CCDC50: variants seen among roughly 807,000 people sequenced by gnomAD.
CCDC50 encodes the protein coiled-coil domain containing 50, also known as coiled-coil domain-containing protein 50.
In CCDC50, 54 loss-of-function variants were observed where a neutral mutation model predicts 70.2. The observed-to-expected ratio is 0.77, with a 90% CI of 0.62 to 0.96. The LOEUF (loss-of-function observed/expected upper bound fraction) is 0.96, where lower values mean the gene tolerates loss of function less well. Among genes scored for constraint, CCDC50 ranks in the 50% least tolerant of loss-of-function variants. The pLI is 0.00. For synonymous variants in CCDC50, 216 were observed against 198.8 expected, an observed-to-expected ratio of 1.09 and a Z score of -0.73; for missense variants, 558 against 578.7, an observed-to-expected ratio of 0.96 and a Z score of 0.37.
chr3:191,357,022 C>T, intron 1 of CCDC50, 66 bp from the exon 2 acceptor site: 2 of 1,019,974 alleles, frequency 2.0e-6, no homozygotes, highest in South Asian at 2.7e-5. Flanking sequence ...AAAAAAAATC[C>T]TTTCCTTTGT....
chr3:191,376,888 A>G (rs1332154214), intron 6 of CCDC50, among the ~76,000 whole-genome samples: 1 of 152,134 alleles, frequency 6.6e-6, no homozygotes, highest in Non-Finnish European at 1.5e-5. Context: ...AGGAAGAATG[A>G]TGTACACTGA....
chr3:191,397,309 T>C lies in CCDC50; in HGVS notation c.*5549T>C, dbSNP rs570740330. ...TGTGAGAGGGTTTTTGACATCAGAA[T>C]TTTTGTATTTCTGGTCAAATTGGTC... On this transcript the variant is annotated 3_prime_UTR_variant, in exon 12 of 12. Transcript: ENST00000392455. 2.0e-5 allele frequency: 3 copies of C among 152,322 alleles called. No homozygotes were observed. Among genetic ancestry groups the C allele is most frequent in the African/African-American group, 7.2e-5 (3 of 41,576 alleles). The allele number at this position is 152,322 out of a possible 1,614,324, so 9.4% of individuals were successfully genotyped here. A position where few individuals can be genotyped will look rare whatever the true frequency, so the allele number is the denominator to read the frequency against.
At chr3:191,352,225 A>T (rs1400403202) in intron 1 of CCDC50, among the ~76,000 whole-genome samples, 4 of 142,232 alleles carry the variant, frequency 2.8e-5, no homozygotes, top group African/African-American at 1.0e-4. Flanking sequence ...TGACTCATTC[A>T]TCCTGAAATA....
rs1165898468 is a variant in CCDC50 at position 191,398,188 on chromosome 3, T to G, written c.*6428T>G. ...AGGCACTCCCAAAACGCAAACCTCC[T>G]TTTTTAAATGCCAATTGTACATCTA... On this transcript the variant is annotated 3_prime_UTR_variant, in exon 12 of 12. Coordinates refer to ENST00000392455, the MANE Select transcript of CCDC50 (RefSeq NM_178335.3). 1.1e-4 allele frequency: 16 copies of G among 152,212 alleles called. No individual in the cohort carries two copies. The highest frequency in any genetic ancestry group is 3.4e-4 in the African/African-American group (14 of 41,452). 9.4% of individuals were successfully genotyped at this position (152,212 alleles called of 1,614,324 possible).
intron 1 of CCDC50, among the ~76,000 whole-genome samples, chr3:191,351,898 T>C (rs1333796381): frequency 7.1e-6 from 1 of 141,402 alleles, no homozygotes; most frequent in Non-Finnish European, 1.6e-5. Flanking sequence ...GGTTTTCATC[T>C]TTTTGTCTTT....
chr3:191,381,298 C>CT (rs1242741901), intron 9 of CCDC50, among the ~76,000 whole-genome samples: 1 of 152,154 alleles, frequency 6.6e-6, no homozygotes, highest in Non-Finnish European at 1.5e-5. Context: ...CCCGTCTCTA[C>CT]TTTCTTTGTG....
Position 191,397,440 on chromosome 3 carries a change from A to C in CCDC50, c.*5680A>C, listed in dbSNP as rs1713897500. The C allele has an allele frequency of 2.6e-5, 4 of 152,180 alleles. No homozygotes were observed. The highest frequency in any genetic ancestry group is 5.9e-5 in the Non-Finnish European group (4 of 68,024). The allele number at this position is 152,180 out of a possible 1,614,324, so 9.4% of individuals were successfully genotyped here. A position where few individuals can be genotyped will look rare whatever the true frequency, so the allele number is the denominator to read the frequency against. ...TTTCTCTTCTTACAGGCAACCCAAT[A>C]TTTATTTCATAAAGTGTTATAAATA... is the stretch of plus-strand genomic sequence containing the variant. On this transcript the variant is annotated 3_prime_UTR_variant, in exon 12 of 12. Transcript: ENST00000392455.
chr3:191,377,972 A>AT (rs1215817616), intron 6 of CCDC50, among the ~76,000 whole-genome samples: 8 of 152,138 alleles, frequency 5.3e-5, no homozygotes, highest in African/African-American at 1.9e-4. Context: ...CATTTAAAAA[A>AT]TTTTTGGACA....
chr3:191,379,414 A>G (rs1713230138), intron 6 of CCDC50, among the ~76,000 whole-genome samples: 1 of 152,142 alleles, frequency 6.6e-6, no homozygotes, highest in South Asian at 2.1e-4. Flanking sequence ...ACTGTATTCA[A>G]AATTTTTATT....
Position 191,393,696 on chromosome 3 carries a change from A to T in CCDC50, c.*1936A>T, listed in dbSNP as rs554547472. 1 of 152,320 alleles carries T rather than the reference A, an allele frequency of 6.6e-6. No homozygotes were observed. The highest frequency in any genetic ancestry group is 2.4e-5 in the African/African-American group (1 of 41,584). The allele number at this position is 152,320 out of a possible 1,614,324, so 9.4% of individuals were successfully genotyped here. A position where few individuals can be genotyped will look rare whatever the true frequency, so the allele number is the denominator to read the frequency against. On this transcript the variant is annotated 3_prime_UTR_variant, in exon 12 of 12. Coordinates refer to ENST00000392455, the MANE Select transcript of CCDC50 (RefSeq NM_178335.3). Reference sequence around the variant, plus strand: ...ATAAAATGGGTAAAGAAAAACCTCCATTTAAATAAGGAAGGGGAGACAAAA... The same window carrying T: ...ATAAAATGGGTAAAGAAAAACCTCCTTTTAAATAAGGAAGGGGAGACAAAA...
intron 4 of CCDC50, 41 bp from the exon 5 acceptor site, chr3:191,369,875 GTTC>G (rs1560166090): frequency 7.1e-7 from 1 of 1,414,136 alleles, no homozygotes; most frequent in Non-Finnish European, 1.0e-6. Flanking sequence ...GAGTTTGTTT[GTTC>G]TTTGGTAATG....
chr3:191,381,301 T>C (rs1001324302), intron 9 of CCDC50, among the ~76,000 whole-genome samples: 4 of 152,198 alleles, frequency 2.6e-5, no homozygotes, highest in Non-Finnish European at 4.4e-5. Flanking sequence ...GTCTCTACTT[T>C]CTTTGTGCTT....
intron 1 of CCDC50, among the ~76,000 whole-genome samples, chr3:191,354,105 A>C (rs1457462866): frequency 6.6e-6 from 1 of 152,222 alleles, no homozygotes; most frequent in Non-Finnish European, 1.5e-5. Context: ...TGACAACATG[A>C]AATAAGTGAA....
chr3:191,364,258 A>G (rs541610742), intron 4 of CCDC50, among the ~76,000 whole-genome samples: 1 of 152,036 alleles, frequency 6.6e-6, no homozygotes, highest in South Asian at 2.1e-4. Context: ...CAGTAGAGAC[A>G]GGGTTTCGTC....
chr3:191,377,962 C>T (rs545469336), intron 6 of CCDC50, among the ~76,000 whole-genome samples: 61 of 152,088 alleles, frequency 4.0e-4, no homozygotes, highest in Non-Finnish European at 6.9e-4. Flanking sequence ...CAGTTAATTA[C>T]ATTTAAAAAA....
At chr3:191,385,235 C>T (rs1713447575) in intron 10 of CCDC50, among the ~76,000 whole-genome samples, 1 of 152,166 alleles carries the variant, frequency 6.6e-6, no homozygotes, top group Admixed American at 6.5e-5. Flanking sequence ...GAGAAGTCTC[C>T]AAACCGCTTT....
Position 191,380,923 on chromosome 3 carries a change from C to G in CCDC50, c.1233C>G (p.Pro411=). ...KSSLDKRKQD[P]EWKPKTAKAA... The stretch of plus-strand genomic sequence containing the variant: ...CTTTGGACAAAAGAAAGCAAGACCC[C>G]GAGTGGAAGGTAGAGTGTGTTTTGT... The change falls in exon 9 of 12, where the codon CCC becomes CCG. Residue 411 remains proline (P), a synonymous_variant. Coordinates refer to ENST00000392455, the MANE Select transcript of CCDC50 (RefSeq NM_178335.3). The G allele has an allele frequency of 6.2e-7, 1 of 1,611,370 alleles. No homozygotes were observed. The highest frequency in any genetic ancestry group is 2.2e-5 in the East Asian group (1 of 44,728).
intron 6 of CCDC50, among the ~76,000 whole-genome samples, chr3:191,376,183 A>G (rs547879731): frequency 2.4e-4 from 37 of 152,238 alleles, no homozygotes; most frequent in African/African-American, 8.4e-4. Context: ...TCATCTCTGG[A>G]GTGAGGCCTG....
intron 5 of CCDC50, 148 bp downstream of exon 5, chr3:191,370,184 T>A: frequency 1.5e-6 from 1 of 674,066 alleles, no homozygotes; most frequent in South Asian, 1.5e-5. Context: ...GGCAGGATTC[T>A]ATTTGAATCT....
Sources: gnomAD v4.1 joint callset for allele counts (sites outside exome capture counted in the v4.1 genomes callset) on GRCh38, gnomAD v4.1.1 for gene constraint, MANE v1.5 for transcripts, NCBI Gene and HGNC (gene_info 2026-07-23, HGNC 2026-07-21) for gene names.